Variants in NAV2 observed in about 807,000 individuals in gnomAD.
NAV2 encodes helicase, APC down-regulated 1.
A neutral mutation model predicts 223.2 loss-of-function variants in NAV2; 54 were observed. That is an observed-to-expected ratio of 0.24 (90% CI 0.19 to 0.30). NAV2 has a LOEUF of 0.30. Among genes scored for constraint, NAV2 ranks in the 10% least tolerant of loss-of-function variants. NAV2 has a pLI of 1.00. For synonymous variants in NAV2, 1,279 were observed against 1,239.3 expected (o/e 1.03, Z -0.67); for missense variants, 2,806 against 3,147.5 (o/e 0.89, Z 2.60).
chr11:20,023,179 G>C (rs187372879), intron 11 of NAV2: 136 of 1,522,362 alleles, frequency 8.9e-5, no homozygotes, highest in Non-Finnish European at 9.6e-5. Context: ...TGGGTGTGGT[G>C]CATGTACTGC....
rs986470058 is a variant in NAV2 at position 19,683,687 on chromosome 11, G to A, written c.76-148797G>A. Among the ~76,000 whole-genome samples, 9 of 152,206 alleles carry A rather than the reference G, an allele frequency of 5.9e-5. 1 individual carries two copies. Among genetic ancestry groups the A allele is most frequent in the East Asian group, 1.9e-4 (1 of 5,180 alleles). ...ATCCAGAAAGGCTGGGCTTCCAGTC[G>A]GGTCTGTGTGAGTTGGCTCTGCCCC... On this transcript the variant is annotated intron_variant, in intron 1 of 37. Transcript: ENST00000360655.
intron 1 of NAV2, among the ~76,000 whole-genome samples, chr11:19,589,749 C>G (rs1275077436): frequency 6.6e-6 from 1 of 152,216 alleles, no homozygotes; most frequent in Non-Finnish European, 1.5e-5. Flanking sequence ...ACAGCTCCAT[C>G]TCCTTCAGCT....
At chr11:20,094,921 A>G (rs571309658) in intron 29 of NAV2, among the ~76,000 whole-genome samples, 3 of 152,346 alleles carry the variant, frequency 2.0e-5, no homozygotes, top group Admixed American at 6.5e-5. Flanking sequence ...GGCATGTTCT[A>G]TCAGCTTTTC....
chr11:20,105,809 G>A, intron 35 of NAV2, 82 bp downstream of exon 35: 1 of 1,109,306 alleles, frequency 9.0e-7, no homozygotes, highest in South Asian at 1.4e-5. Context: ...ACAGCACTTT[G>A]CAGGCACAGT....
At chr11:19,875,457 T>A (rs2062780502) in intron 4 of NAV2, among the ~76,000 whole-genome samples, 2 of 152,196 alleles carry the variant, frequency 1.3e-5, no homozygotes, top group Admixed American at 1.3e-4. Flanking sequence ...GTACTTGAAG[T>A]ACAGTTTCTA....
chr11:19,686,059 G>A (rs1259454010), intron 1 of NAV2, among the ~76,000 whole-genome samples: 1 of 152,054 alleles, frequency 6.6e-6, no homozygotes, highest in Non-Finnish European at 1.5e-5. Flanking sequence ...CAGCTCCCTA[G>A]TACAAGCCTA....
chr11:20,078,612 G>C (rs1813876), intron 24 of NAV2, among the ~76,000 whole-genome samples: 136,291 of 152,198 alleles, frequency 0.9, 61,124 homozygotes, highest in East Asian at 0.95. Context: ...GCATGTGCCA[G>C]CATGCCTGGC....
chr11:20,066,436 C>T (rs1423851002), intron 20 of NAV2, among the ~76,000 whole-genome samples: 1 of 152,168 alleles, frequency 6.6e-6, no homozygotes, highest in African/African-American at 2.4e-5. Context: ...AGACATTTAA[C>T]GTCTCTGAAC....
chr11:20,061,927 C>G (rs1043570356), intron 19 of NAV2, among the ~76,000 whole-genome samples: 5 of 152,082 alleles, frequency 3.3e-5, no homozygotes, highest in African/African-American at 9.7e-5. Flanking sequence ...AAGAGTGAAG[C>G]GAAATATGCT....
chr11:20,093,867 A>G (rs1486220780), intron 29 of NAV2, among the ~76,000 whole-genome samples: 1 of 152,216 alleles, frequency 6.6e-6, no homozygotes, highest in Non-Finnish European at 1.5e-5. Flanking sequence ...ATTAAAACCC[A>G]GTGATGCTTT....
At chr11:19,525,540 G>C (rs2043814486) in intron 1 of NAV2, among the ~76,000 whole-genome samples, 1 of 152,180 alleles carries the variant, frequency 6.6e-6, no homozygotes, top group Non-Finnish European at 1.5e-5. Context: ...TGTGTGCCCA[G>C]GGAGCCACGC....
chr11:20,044,212 A>G lies in NAV2; in HGVS notation c.3139A>G (p.Ile1047Val). 1 of 1,614,160 alleles carries G rather than the reference A, an allele frequency of 6.2e-7. No homozygotes were observed. The highest frequency in any genetic ancestry group is 1.1e-5 in the South Asian group (1 of 91,084). ...GCGAGGCATGACAGCTCAGGTGGGCATCACCATGCCAAGGACGAAGCCTTC... is the reference window on the plus strand; with the variant it reads ...GCGAGGCATGACAGCTCAGGTGGGCGTCACCATGCCAAGGACGAAGCCTTC... ...WRRGMTAQVG[I>V]TMPRTKPSAP... The change falls in exon 13 of 38, where the codon ATC (isoleucine) becomes GTC (valine). Residue 1047 changes from isoleucine (I) to valine (V), a missense_variant. Transcript: ENST00000349880.
intron 1 of NAV2, among the ~76,000 whole-genome samples, chr11:19,812,558 C>T (rs1428831204): frequency 8.6e-5 from 13 of 152,046 alleles, no homozygotes; most frequent in Admixed American, 8.5e-4. Context: ...TCAATAAATA[C>T]CTGAATGAAT....
At chr11:19,971,007 G>C (rs1464295560) in intron 10 of NAV2, among the ~76,000 whole-genome samples, 1 of 152,130 alleles carries the variant, frequency 6.6e-6, no homozygotes, top group Non-Finnish European at 1.5e-5. Context: ...GGAGGTGGGG[G>C]AGATGATCTA....
intron 3 of NAV2, among the ~76,000 whole-genome samples, chr11:19,862,693 A>G (rs2061860535): frequency 6.6e-6 from 1 of 152,188 alleles, no homozygotes; most frequent in South Asian, 2.1e-4. Flanking sequence ...GGAGCTGTGC[A>G]TCTCCAGGAC....
At chr11:20,115,536 G>A (rs1252400278) in intron 37 of NAV2, among the ~76,000 whole-genome samples, 3 of 148,330 alleles carry the variant, frequency 2.0e-5, no homozygotes, top group East Asian at 4.0e-4. Context: ...GGAGGCTGAG[G>A]CAGGAGAATG....
At chr11:19,897,903 T>TATATATATATATATATATATAC (rs927166131) in intron 6 of NAV2, among the ~76,000 whole-genome samples, 2 of 147,522 alleles carry the variant, frequency 1.4e-5, no homozygotes, top group African/African-American at 5.2e-5. Flanking sequence ...TATATATATA[T>TATATATATATATATATATATAC]ATGTGAGCAG....
At chr11:19,482,477 G>A (rs2042310087) in intron 1 of NAV2, among the ~76,000 whole-genome samples, 1 of 152,210 alleles carries the variant, frequency 6.6e-6, no homozygotes, top group Non-Finnish European at 1.5e-5. Context: ...TTTTCCACGA[G>A]TCAAGCCGGG....
chr11:19,868,104 G>A (rs865944713), intron 3 of NAV2, among the ~76,000 whole-genome samples: 1 of 152,180 alleles, frequency 6.6e-6, no homozygotes, highest in Non-Finnish European at 1.5e-5. Flanking sequence ...TGATTGTGGA[G>A]GGGAATGAGT....
Sources: gnomAD v4.1 joint callset for allele counts (sites outside exome capture counted in the v4.1 genomes callset) on GRCh38, gnomAD v4.1.1 for gene constraint, MANE v1.5 for transcripts, NCBI Gene and HGNC (gene_info 2026-07-23, HGNC 2026-07-21) for gene names.